Variants in HTR4 observed in about 807,000 individuals in gnomAD.
HTR4 encodes the protein 5-hydroxytryptamine (serotonin) receptor 4, G protein-coupled.
HTR4 carries 16 observed loss-of-function variants against 36.8 expected under a neutral mutation model. The observed-to-expected ratio is 0.43, with a 90% CI of 0.29 to 0.66. The LOEUF (loss-of-function observed/expected upper bound fraction) is 0.66. Ranked by LOEUF, HTR4 falls within the 30% of genes least tolerant of loss-of-function variation. The probability of loss-of-function intolerance (pLI) is 0.13; values close to 1 mark genes in which losing one functional copy is unlikely to be tolerated. For missense variants in HTR4, 438 were observed against 490.9 expected, an observed-to-expected ratio of 0.89 and a Z score of 1.02; for synonymous variants, 189 against 185.1, an observed-to-expected ratio of 1.02 and a Z score of -0.17.
downstream of HTR4, chr5:148,476,536 A>C: frequency 7.3e-7 from 1 of 1,376,126 alleles, no homozygotes; most frequent in Non-Finnish European, 9.4e-7. Flanking sequence ...GTGGAGTACT[A>C]ATGGCAGAGC....
intron 2 of HTR4, among the ~76,000 whole-genome samples, chr5:148,566,924 C>T (rs1476184896): frequency 6.6e-6 from 1 of 151,264 alleles, no homozygotes; most frequent in African/African-American, 2.4e-5. Context: ...CAGTATTTCC[C>T]ATCAAATGTG....
rs371298934 is a variant in HTR4 at position 148,550,099 on chromosome 5, T to G, written c.152+38A>C. ...CAACTCTCTAGGGACAGCTCAGAACTCCCATGTTTCCTCAAAAGGTTCCCT... is the reference window on the plus strand; with the variant it reads ...CAACTCTCTAGGGACAGCTCAGAACGCCCATGTTTCCTCAAAAGGTTCCCT... On this transcript the variant is annotated intron_variant, in intron 3 of 6. Coordinates refer to ENST00000377888, the MANE Select transcript of HTR4 (RefSeq NM_000870.7). 15 of 1,612,114 alleles carry G rather than the reference T, an allele frequency of 9.3e-6. No individual in the cohort carries two copies. The African/African-American group carries it at 1.5e-4, about 16-fold the overall frequency.
intron 2 of HTR4, among the ~76,000 whole-genome samples, chr5:148,582,219 T>A (rs555026917): frequency 3.9e-4 from 60 of 152,240 alleles, no homozygotes; most frequent in South Asian, 8.3e-4. Context: ...AGTTTATTAG[T>A]TCTAACCTTT....
chr5:148,563,781 T>C (rs1416150266), intron 2 of HTR4, among the ~76,000 whole-genome samples: 1 of 152,226 alleles, frequency 6.6e-6, no homozygotes, highest in Non-Finnish European at 1.5e-5. Flanking sequence ...TGTTGAAGTA[T>C]ATGAGAGGAT....
At chr5:148,455,629 C>G (rs983545525) in intron 5 of HTR4, among the ~76,000 whole-genome samples, 1 of 152,128 alleles carries the variant, frequency 6.6e-6, no homozygotes, top group Non-Finnish European at 1.5e-5. Context: ...TTTCCAGTTA[C>G]AGTTGATCGT....
intron 2 of HTR4, among the ~76,000 whole-genome samples, chr5:148,607,232 A>T (rs1164601326): frequency 6.6e-6 from 1 of 152,212 alleles, no homozygotes; most frequent in African/African-American, 2.4e-5. Flanking sequence ...ACACATGATA[A>T]TTCCTTCTTT....
chr5:148,534,976 A>G (rs989707735), intron 4 of HTR4, among the ~76,000 whole-genome samples: 1 of 152,020 alleles, frequency 6.6e-6, no homozygotes, highest in East Asian at 1.9e-4. Context: ...TGGGAGAGGA[A>G]CCCACACCTT....
intron 6 of HTR4, among the ~76,000 whole-genome samples, chr5:148,499,706 T>C (rs1347890249): frequency 2.0e-5 from 3 of 152,200 alleles, no homozygotes; most frequent in Non-Finnish European, 4.4e-5. Context: ...AAATCCCATG[T>C]TGAAGTGTAA....
chr5:148,552,243 T>C (rs1196720333), intron 2 of HTR4, among the ~76,000 whole-genome samples: 2 of 152,172 alleles, frequency 1.3e-5, no homozygotes, highest in East Asian at 1.9e-4. Context: ...GATTGATAGA[T>C]TGTTTATGAC....
chr5:148,505,205 A>C (rs1757134375), intron 6 of HTR4, among the ~76,000 whole-genome samples: 1 of 152,216 alleles, frequency 6.6e-6, no homozygotes, highest in Non-Finnish European at 1.5e-5. Flanking sequence ...CTGGGATGCA[A>C]GGCTGGTTCA....
intron 4 of HTR4, among the ~76,000 whole-genome samples, chr5:148,531,725 T>C (rs1180138584): frequency 1.3e-5 from 2 of 152,170 alleles, no homozygotes; most frequent in African/African-American, 4.8e-5. Context: ...CGGTAACTTG[T>C]AGTTTTTCCC....
intron 2 of HTR4, among the ~76,000 whole-genome samples, chr5:148,632,140 A>G (rs1753344440): frequency 6.6e-6 from 1 of 152,120 alleles, no homozygotes; most frequent in African/African-American, 2.4e-5. Flanking sequence ...TGATCAATAC[A>G]TTATTTAAAA....
At chr5:148,593,455 A>T (rs192367875) in intron 2 of HTR4, among the ~76,000 whole-genome samples, 1 of 152,306 alleles carries the variant, frequency 6.6e-6, no homozygotes, top group African/African-American at 2.4e-5. Context: ...ACACAGCATC[A>T]TCATTAATGT....
chr5:148,461,024 A>G (rs1035883595), intron 5 of HTR4, among the ~76,000 whole-genome samples: 7 of 152,068 alleles, frequency 4.6e-5, no homozygotes, highest in Non-Finnish European at 8.8e-5. Flanking sequence ...TTGTACTACC[A>G]AAAAGTTGTA....
chr5:148,565,900 A>G (rs1760416526), intron 2 of HTR4, among the ~76,000 whole-genome samples: 2 of 152,226 alleles, frequency 1.3e-5, no homozygotes, highest in East Asian at 3.9e-4. Context: ...TGGCTGTGGC[A>G]TTCCAACCTG....
At chr5:148,597,102 C>T (rs1761807672) in intron 2 of HTR4, among the ~76,000 whole-genome samples, 2 of 152,180 alleles carry the variant, frequency 1.3e-5, no homozygotes, top group African/African-American at 4.8e-5. Context: ...TTTATTCAGC[C>T]TTCTCTGATA....
intron 2 of HTR4, among the ~76,000 whole-genome samples, chr5:148,560,385 T>C (rs1352571086): frequency 6.6e-6 from 1 of 152,114 alleles, no homozygotes; most frequent in Non-Finnish European, 1.5e-5. Context: ...TTAGTGCATC[T>C]TGGGTGAAGA....
At chr5:148,494,414 G>T (rs1756591443) in intron 6 of HTR4, among the ~76,000 whole-genome samples, 1 of 152,108 alleles carries the variant, frequency 6.6e-6, no homozygotes, top group Non-Finnish European at 1.5e-5. Context: ...AATAACAAGG[G>T]GCTGTAACCC....
intron 2 of HTR4, among the ~76,000 whole-genome samples, chr5:148,560,437 TG>T (rs1760154317): frequency 6.6e-6 from 1 of 152,196 alleles, no homozygotes; most frequent in Admixed American, 6.5e-5. Context: ...GTAATGCTGA[TG>T]TCGATGCTGG....
Sources: allele counts gnomAD v4.1 joint callset (sites outside exome capture counted in the v4.1 genomes callset), GRCh38; gene constraint gnomAD v4.1.1; transcripts MANE v1.5; gene names NCBI Gene and HGNC (gene_info 2026-07-23, HGNC 2026-07-21).